Variants in SLCO6A1 observed in about 807,000 individuals in gnomAD.
The protein encoded by SLCO6A1 is cancer/testis antigen 48.
In SLCO6A1, 65 loss-of-function variants were observed where a neutral mutation model predicts 72.7. That is an observed-to-expected ratio of 0.89 (90% confidence interval 0.73 to 1.10). The LOEUF is 1.10. SLCO6A1 is among the 50% of genes least tolerant of loss of function. The pLI is 0.00. For synonymous variants in SLCO6A1, 314 were observed against 298.2 expected (o/e 1.05, Z -0.55); for missense variants, 874 against 872.6 (o/e 1.00, Z -0.02).
chr5:102,415,715 A>T (rs1401180104), intron 8 of SLCO6A1, among the ~76,000 whole-genome samples: 1 of 152,180 alleles, frequency 6.6e-6, no homozygotes, highest in African/African-American at 2.4e-5. Flanking sequence ...ATGGGACTTA[A>T]TTAAACTAAA....
chr5:102,421,198 G>C (rs530305057), intron 7 of SLCO6A1, among the ~76,000 whole-genome samples: 7 of 152,210 alleles, frequency 4.6e-5, no homozygotes, highest in Non-Finnish European at 7.4e-5. Flanking sequence ...CTGCCAGTTG[G>C]GCAGACAATG....
intron 12 of SLCO6A1, among the ~76,000 whole-genome samples, chr5:102,374,237 C>T (rs546043888): frequency 1.3e-5 from 2 of 152,188 alleles, no homozygotes; most frequent in South Asian, 4.2e-4. Flanking sequence ...AACTTGTGAG[C>T]TCAGGCGATC....
chr5:102,398,756 A>G (rs1415013586), intron 10 of SLCO6A1, among the ~76,000 whole-genome samples: 3 of 152,130 alleles, frequency 2.0e-5, no homozygotes, highest in Non-Finnish European at 4.4e-5. Flanking sequence ...ACTTTTTGCC[A>G]GGATATTTCA....
intron 6 of SLCO6A1, among the ~76,000 whole-genome samples, chr5:102,451,585 G>T (rs1021142626): frequency 6.6e-6 from 1 of 152,174 alleles, no homozygotes; most frequent in African/African-American, 2.4e-5. Flanking sequence ...TGGGTTGGGG[G>T]AATCTCCTGT....
At chr5:102,384,271 T>C (rs1746283910) in intron 12 of SLCO6A1, among the ~76,000 whole-genome samples, 1 of 151,996 alleles carries the variant, frequency 6.6e-6, no homozygotes, top group Non-Finnish European at 1.5e-5. Context: ...GGTGTAACAT[T>C]AGATTCAGTC....
At chr5:102,419,187 CTT>C (rs1748452730) in intron 8 of SLCO6A1, among the ~76,000 whole-genome samples, 1 of 152,144 alleles carries the variant, frequency 6.6e-6, no homozygotes, top group Non-Finnish European at 1.5e-5. Flanking sequence ...CTAAATAACT[CTT>C]TGATTCCTTT....
intron 7 of SLCO6A1, among the ~76,000 whole-genome samples, chr5:102,437,194 G>A (rs1580425808): frequency 6.6e-6 from 1 of 152,166 alleles, no homozygotes; most frequent in East Asian, 1.9e-4. Flanking sequence ...CCTCATTCCT[G>A]GAAAGCACTC....
intron 9 of SLCO6A1, among the ~76,000 whole-genome samples, chr5:102,409,841 G>A (rs1747876561): frequency 6.6e-6 from 1 of 152,116 alleles, no homozygotes; most frequent in Non-Finnish European, 1.5e-5. Context: ...TAGAAAAAAA[G>A]GACGCAGGGG....
intron 12 of SLCO6A1, among the ~76,000 whole-genome samples, chr5:102,385,693 T>A (rs969832784): frequency 6.6e-6 from 1 of 152,128 alleles, no homozygotes; most frequent in Non-Finnish European, 1.5e-5. Flanking sequence ...TCATTTTGTT[T>A]GTGTATTATT....
chr5:102,431,739 C>T (rs1749228493), intron 7 of SLCO6A1, among the ~76,000 whole-genome samples: 1 of 151,988 alleles, frequency 6.6e-6, no homozygotes, highest in Admixed American at 6.6e-5. Context: ...CTGTTGATGC[C>T]TCTCAGGTCT....
chr5:102,479,108 G>A (rs1179403727), intron 2 of SLCO6A1, among the ~76,000 whole-genome samples: 3 of 152,110 alleles, frequency 2.0e-5, no homozygotes, highest in Non-Finnish European at 4.4e-5. Flanking sequence ...CCAATGTTGC[G>A]GGAGGGACCT....
intron 12 of SLCO6A1, among the ~76,000 whole-genome samples, chr5:102,381,277 TTC>T (rs1394142315): frequency 6.6e-6 from 1 of 151,786 alleles, no homozygotes; most frequent in Non-Finnish European, 1.5e-5. Context: ...TATTCTCTGC[TTC>T]TGTTTGATTT....
intron 7 of SLCO6A1, among the ~76,000 whole-genome samples, chr5:102,420,946 A>ACACC (rs1748561312): frequency 6.6e-6 from 1 of 152,078 alleles, no homozygotes; most frequent in Admixed American, 6.6e-5. Context: ...CTCATTAGAT[A>ACACC]GCGGGTGTAG....
At chr5:102,453,220 A>G (rs902356349) in intron 6 of SLCO6A1, among the ~76,000 whole-genome samples, 1 of 151,980 alleles carries the variant, frequency 6.6e-6, no homozygotes, top group African/African-American at 2.4e-5. Flanking sequence ...TTAGCTGGGT[A>G]TGGTGATGTG....
chr5:102,494,141 A>G (rs1427521934), intron 1 of SLCO6A1, among the ~76,000 whole-genome samples: 2 of 152,198 alleles, frequency 1.3e-5, no homozygotes, highest in African/African-American at 4.8e-5. Context: ...GAAAGAGATC[A>G]GAACTTCCAC....
Position 102,420,023 on chromosome 5 carries a change from T to TAA in SLCO6A1, c.1277-4_1277-3dup. 6.4e-7 allele frequency: 1 copy of TAA among 1,557,616 alleles called. No individual in the cohort carries two copies. Among genetic ancestry groups the TAA allele is most frequent in the Non-Finnish European group, 8.6e-7 (1 of 1,160,942 alleles). On this transcript the variant is annotated splice_polypyrimidine_tract_variant and splice_region_variant and intron_variant, in intron 7 of 13. Coordinates refer to ENST00000506729, the MANE Select transcript of SLCO6A1 (RefSeq NM_173488.5). The stretch of plus-strand genomic sequence containing the variant: ...CACCTCCTGGAATTAAAACAAGTCC[T>TAA]AAAAAAAAGGAGGAGAAAAACACAG...
chr5:102,416,254 T>C (rs924332612), intron 8 of SLCO6A1, among the ~76,000 whole-genome samples: 2 of 152,010 alleles, frequency 1.3e-5, no homozygotes, highest in African/African-American at 4.8e-5. Flanking sequence ...ATATCTGTAG[T>C]TATTTATAGC....
chr5:102,391,526 G>T (rs1452063), intron 10 of SLCO6A1, among the ~76,000 whole-genome samples: 1 of 152,028 alleles, frequency 6.6e-6, no homozygotes, highest in South Asian at 2.1e-4. Context: ...CTGAATGAGT[G>T]AGGAAAGTGA....
intron 10 of SLCO6A1, 64 bp from the exon 11 acceptor site, chr5:102,391,109 A>G: frequency 7.0e-7 from 1 of 1,433,728 alleles, no homozygotes. Context: ...AATGTATGCT[A>G]GATTCAAGGC....
Sources: allele counts gnomAD v4.1 joint callset (sites outside exome capture counted in the v4.1 genomes callset), GRCh38; gene constraint gnomAD v4.1.1; transcripts MANE v1.5; gene names NCBI Gene and HGNC (gene_info 2026-07-23, HGNC 2026-07-21).